Variants in CSMD1 observed in about 807,000 individuals in gnomAD.
CSMD1 encodes CUB and Sushi multiple domains 1.
A neutral mutation model predicts 417.5 loss-of-function variants in CSMD1; 213 were observed. The ratio of observed to expected loss-of-function variants is 0.51; its 90% CI spans 0.46 to 0.57. The LOEUF (loss-of-function observed/expected upper bound fraction) is 0.57, where lower values mean the gene tolerates loss of function less well. Among genes scored for constraint, CSMD1 ranks in the 20% least tolerant of loss-of-function variants. The probability of loss-of-function intolerance (pLI) is 0.00; values close to 1 mark genes in which losing one functional copy is unlikely to be tolerated. For missense variants in CSMD1, 6,923 were observed against 4,529.7 expected, an observed-to-expected ratio of 1.53 and a Z score of -15.17; for synonymous variants, 2,862 against 1,736.8, an observed-to-expected ratio of 1.65 and a Z score of -16.11.
chr8:4,376,059 T>C (rs1802713333), intron 3 of CSMD1, among the ~76,000 whole-genome samples: 1 of 152,112 alleles, frequency 6.6e-6, no homozygotes, highest in Non-Finnish European at 1.5e-5. Flanking sequence ...ATACTGAAGC[T>C]AGAGAAGAAA....
chr8:3,138,897 G>A (rs983979495), intron 41 of CSMD1, among the ~76,000 whole-genome samples: 11 of 152,168 alleles, frequency 7.2e-5, no homozygotes, highest in Non-Finnish European at 1.0e-4. Flanking sequence ...GAATAAGTCC[G>A]GTCTGCCTTT....
intron 54 of CSMD1, among the ~76,000 whole-genome samples, chr8:2,990,022 G>T (rs554782479): frequency 6.6e-6 from 1 of 152,326 alleles, no homozygotes; most frequent in African/African-American, 2.4e-5. Flanking sequence ...GATACAGAAT[G>T]TTCTGATACA....
chr8:4,865,764 C>T (rs897237678), intron 1 of CSMD1, among the ~76,000 whole-genome samples: 3 of 151,696 alleles, frequency 2.0e-5, no homozygotes, highest in African/African-American at 7.3e-5. Flanking sequence ...CAACCCTAGC[C>T]CCAAACAAAA....
chr8:3,774,798 C>T (rs1396883963), intron 5 of CSMD1, among the ~76,000 whole-genome samples: 2 of 152,156 alleles, frequency 1.3e-5, no homozygotes, highest in Non-Finnish European at 2.9e-5. Context: ...CGTTTTTAAG[C>T]CATGACTGTG....
At chr8:4,138,044 A>AT (rs55993904) in intron 3 of CSMD1, among the ~76,000 whole-genome samples, 20 of 62,702 alleles carry the variant, frequency 3.2e-4, no homozygotes, top group African/African-American at 8.2e-4. Context: ...TGCCCGGCTA[A>AT]TTTTTTTTTT....
At chr8:3,586,728 T>G (rs151045877) in intron 8 of CSMD1, among the ~76,000 whole-genome samples, 4 of 152,270 alleles carry the variant, frequency 2.6e-5, no homozygotes, top group African/African-American at 4.8e-5. Flanking sequence ...ACATGTTAAT[T>G]ATATTTAAAA....
intron 2 of CSMD1, among the ~76,000 whole-genome samples, chr8:4,453,107 G>A (rs531341411): frequency 2.0e-5 from 3 of 151,990 alleles, no homozygotes; most frequent in African/African-American, 7.3e-5. Context: ...GGGAGCCAAT[G>A]ATTCGGAATT....
intron 3 of CSMD1, among the ~76,000 whole-genome samples, chr8:4,112,076 T>A (rs1451908255): frequency 2.6e-5 from 4 of 152,180 alleles, no homozygotes; most frequent in Non-Finnish European, 2.9e-5. Context: ...GAGGCTAGTC[T>A]TGAAATAAAA....
intron 7 of CSMD1, among the ~76,000 whole-genome samples, chr8:3,618,613 T>C (rs1432824386): frequency 2.0e-5 from 3 of 152,064 alleles, no homozygotes; most frequent in African/African-American, 4.8e-5. Context: ...CATCAGTAGA[T>C]AGTGAGACAG....
At chr8:2,971,679 C>T (rs1804469097) in intron 57 of CSMD1, among the ~76,000 whole-genome samples, 1 of 152,114 alleles carries the variant, frequency 6.6e-6, no homozygotes, top group African/African-American at 2.4e-5. Flanking sequence ...CTCTCATGTG[C>T]AAATTTTAAT....
rs180736311 is a variant in CSMD1 at position 3,508,800 on chromosome 8, C to T, written c.1345-15074G>A. On this transcript the variant is annotated intron_variant, in intron 10 of 69. Coordinates refer to ENST00000635120, the MANE Select transcript of CSMD1 (RefSeq NM_033225.6). The stretch of plus-strand genomic sequence containing the variant: ...CGCCTCCGTAATGCTCCACCACCTA[C>T]GCTTTTCCCATTATGGAAAGAGACA... 7.2e-5 allele frequency among the ~76,000 whole-genome samples: 11 copies of T among 152,284 alleles called. No individual in the cohort carries two copies. The East Asian group carries it at 1.2e-3, about 16-fold the overall frequency.
intron 42 of CSMD1, among the ~76,000 whole-genome samples, chr8:3,118,118 T>C (rs1445920634): frequency 1.3e-5 from 2 of 152,218 alleles, no homozygotes; most frequent in Non-Finnish European, 2.9e-5. Context: ...TTCCCAAGCC[T>C]GTGCCATCTC....
At chr8:4,362,456 C>T (rs1013793495) in intron 3 of CSMD1, among the ~76,000 whole-genome samples, 8 of 152,168 alleles carry the variant, frequency 5.3e-5, no homozygotes, top group African/African-American at 1.9e-4. Flanking sequence ...TTAAAGGTCC[C>T]TTGCTGATAA....
intron 3 of CSMD1, among the ~76,000 whole-genome samples, chr8:4,158,556 T>C (rs1394597950): frequency 6.6e-6 from 1 of 152,226 alleles, no homozygotes; most frequent in Non-Finnish European, 1.5e-5. Context: ...GGTTGTGTCC[T>C]AGGTTCACTA....
At chr8:4,257,717 C>A (rs1035023616) in intron 3 of CSMD1, among the ~76,000 whole-genome samples, 1 of 152,118 alleles carries the variant, frequency 6.6e-6, no homozygotes, top group Admixed American at 6.5e-5. Context: ...TCACTGGGTA[C>A]CAAATACCTC....
chr8:4,458,335 GAA>G (rs1799610806), intron 2 of CSMD1, among the ~76,000 whole-genome samples: 1 of 152,022 alleles, frequency 6.6e-6, no homozygotes, highest in Non-Finnish European at 1.5e-5. Flanking sequence ...TCGATTAGCT[GAA>G]AGTTATATCA....
intron 7 of CSMD1, among the ~76,000 whole-genome samples, chr8:3,684,299 T>C (rs1215704448): frequency 4.1e-5 from 6 of 144,652 alleles, no homozygotes; most frequent in Non-Finnish European, 7.5e-5. Flanking sequence ...ATATATAAAT[T>C]ATATATTATA....
intron 50 of CSMD1, among the ~76,000 whole-genome samples, chr8:3,036,522 A>T (rs186411161): frequency 3.9e-5 from 6 of 152,350 alleles, no homozygotes; most frequent in Admixed American, 2.6e-4. Flanking sequence ...AAACTGATTT[A>T]ATCAGCCTCA....
At chr8:4,260,323 T>C (rs1803788732) in intron 3 of CSMD1, among the ~76,000 whole-genome samples, 1 of 152,160 alleles carries the variant, frequency 6.6e-6, no homozygotes, top group East Asian at 1.9e-4. Context: ...GATGTGTCTG[T>C]TTTTATTTGC....
Sources: allele counts gnomAD v4.1 joint callset (sites outside exome capture counted in the v4.1 genomes callset), GRCh38; gene constraint gnomAD v4.1.1; transcripts MANE v1.5; gene names NCBI Gene and HGNC (gene_info 2026-07-23, HGNC 2026-07-21).